Variants in CDH22 observed in about 807,000 individuals in gnomAD.
CDH22 encodes cadherin-22.
CDH22 carries 30 observed loss-of-function variants against 58.4 expected under a neutral mutation model. That is an observed-to-expected ratio of 0.51 (90% CI 0.38 to 0.70). The LOEUF (loss-of-function observed/expected upper bound fraction) is 0.70, where lower values mean the gene tolerates loss of function less well. Among genes scored for constraint, CDH22 ranks in the 30% least tolerant of loss-of-function variants. The pLI is 0.00. For synonymous variants in CDH22, 513 were observed against 558.2 expected (o/e 0.92, Z 1.14); for missense variants, 1,014 against 1,233.9 (o/e 0.82, Z 2.67).
chr20:46,210,300 GTCT>G lies in CDH22; in HGVS notation c.1286+4_1286+6del. The G allele has an allele frequency of 1.4e-6, 2 of 1,414,774 alleles. No homozygotes were observed. Among genetic ancestry groups the G allele is most frequent in the Non-Finnish European group, 1.8e-6 (2 of 1,090,778 alleles). 87.6% of individuals were successfully genotyped at this position (1,414,774 alleles called of 1,614,324 possible). A position where few individuals can be genotyped will look rare whatever the true frequency, so the allele number is the denominator to read the frequency against. On this transcript the variant is annotated splice_donor_5th_base_variant and intron_variant, in intron 7 of 11. Coordinates refer to ENST00000537909, the MANE Select transcript of CDH22 (RefSeq NM_021248.3). This position sits in a 1 kb window ranked among gnomAD's most constrained non-coding sequence, Gnocchi z 4.5. Reference sequence around the variant, plus strand: ...CAGCAGGCGTCGGCCCCGGGCGGGGGTCTCACCGGACGGGCCGGTTGGCGGCGT... The same window carrying G: ...CAGCAGGCGTCGGCCCCGGGCGGGGGCACCGGACGGGCCGGTTGGCGGCGT...
intron 10 of CDH22, among the ~76,000 whole-genome samples, chr20:46,178,418 C>T (rs1442382946): frequency 6.6e-6 from 1 of 151,930 alleles, no homozygotes; most frequent in African/African-American, 2.4e-5. Context: ...CAAAGTCTAC[C>T]CTCAGCTGCC....
intron 6 of CDH22, 119 bp downstream of exon 6, chr20:46,212,876 C>G: frequency 1.2e-6 from 1 of 819,696 alleles, no homozygotes; most frequent in South Asian, 1.6e-5. Flanking sequence ...GGTCCTGGAC[C>G]TCTAGAGAGA....
chr20:46,200,120 C>A (rs1009713084), intron 7 of CDH22, among the ~76,000 whole-genome samples: 3 of 152,108 alleles, frequency 2.0e-5, no homozygotes, highest in African/African-American at 7.2e-5. Flanking sequence ...ACTACAGGTG[C>A]CCGCCACCAC....
intron 1 of CDH22, among the ~76,000 whole-genome samples, chr20:46,283,293 T>C (rs2086559158): frequency 6.6e-6 from 1 of 151,882 alleles, no homozygotes; most frequent in Non-Finnish European, 1.5e-5. Flanking sequence ...CTGAGTAGAG[T>C]GGACAGGACA....
At position 46,216,601 on chromosome 20, in the gene CDH22, C is replaced by T. The variant is rs1353267411; in HGVS notation, c.838+225G>A. Reference sequence around the variant, plus strand: ...GAAGGTGATGGTGTGTTACTTGGCTCTGTGGAGCATCGGACAGCCCTGGGG... The same window carrying T: ...GAAGGTGATGGTGTGTTACTTGGCTTTGTGGAGCATCGGACAGCCCTGGGG... On this transcript the variant is annotated intron_variant, in intron 5 of 11. Coordinates refer to ENST00000537909, the MANE Select transcript of CDH22 (RefSeq NM_021248.3). The surrounding 1 kb of genome is among the most constrained non-coding windows in gnomAD (Gnocchi z 5.3). Among the ~76,000 whole-genome samples the T allele has an allele frequency of 6.6e-6, 1 of 152,038 alleles. No homozygotes were observed. The highest frequency in any genetic ancestry group is 1.5e-5 in the Non-Finnish European group (1 of 68,004).
chr20:46,275,951 T>A (rs1194320924), intron 1 of CDH22, among the ~76,000 whole-genome samples: 1 of 88,220 alleles, frequency 1.1e-5, no homozygotes, highest in Non-Finnish European at 2.3e-5. Context: ...ATTGGCCAGG[T>A]GGGGGTGGGA....
chr20:46,186,988 G>A, intron 8 of CDH22, 41 bp from the exon 9 acceptor site: 1 of 1,531,676 alleles, frequency 6.5e-7, no homozygotes, highest in Non-Finnish European at 8.8e-7. Flanking sequence ...GGCATCAAGT[G>A]GGAGATCTAG....
chr20:46,175,964 T>TTGAA (rs1385964532), intron 11 of CDH22, among the ~76,000 whole-genome samples: 3 of 152,194 alleles, frequency 2.0e-5, no homozygotes, highest in Admixed American at 6.5e-5. Flanking sequence ...AGCATGCTTG[T>TTGAA]TGAATGAATG....
chr20:46,229,952 G>A (rs973946370), intron 3 of CDH22, among the ~76,000 whole-genome samples: 6 of 152,170 alleles, frequency 3.9e-5, no homozygotes, highest in Non-Finnish European at 8.8e-5. Context: ...GGACTCCCGA[G>A]GGGATGATGG....
chr20:46,265,105 C>T (rs558465444), intron 1 of CDH22, among the ~76,000 whole-genome samples: 3 of 152,208 alleles, frequency 2.0e-5, no homozygotes, highest in Non-Finnish European at 2.9e-5. Flanking sequence ...AATTACATCC[C>T]GAGCTGCTGT....
intron 1 of CDH22, among the ~76,000 whole-genome samples, chr20:46,263,359 A>G (rs1392259120): frequency 6.6e-6 from 1 of 152,016 alleles, no homozygotes; most frequent in Non-Finnish European, 1.5e-5. Flanking sequence ...CTAAGTATGC[A>G]GCAGTTAGAA....
intron 4 of CDH22, among the ~76,000 whole-genome samples, chr20:46,226,256 C>CA: frequency 7.5e-5 from 1 of 13,324 alleles, no homozygotes; most frequent in South Asian, 1.7e-3. Context: ...TCTTCTTCTT[C>CA]TTCTTCTTCT....
Position 46,216,971 on chromosome 20 carries a change from A to G in CDH22, c.693T>C (p.Pro231=). Residue 231 remains proline (P), a synonymous_variant, in exon 5 of 12, where the codon CCT becomes CCC. Coordinates refer to ENST00000537909, the MANE Select transcript of CDH22 (RefSeq NM_021248.3). The surrounding 1 kb of genome is among the most constrained non-coding windows in gnomAD (Gnocchi z 5.3). The part of the protein sequence containing the change: ...PKTGVIRTAV[P]DLDRESQERY... ...GCTCCTGGCTCTCGCGGTCAAGGTC[A>G]GGCACAGCCGTCCGGATTACGCCTG... is the stretch of plus-strand genomic sequence containing the variant. The G allele has an allele frequency of 1.3e-6, 2 of 1,599,346 alleles. No individual in the cohort carries two copies. Among genetic ancestry groups the G allele is most frequent in the Non-Finnish European group, 1.7e-6 (2 of 1,168,854 alleles).
intron 1 of CDH22, among the ~76,000 whole-genome samples, chr20:46,279,145 C>T (rs916572763): frequency 6.6e-6 from 1 of 152,184 alleles, no homozygotes; most frequent in African/African-American, 2.4e-5. Context: ...CGTGGTTTTA[C>T]TGCAAGGGCT....
intron 4 of CDH22, among the ~76,000 whole-genome samples, chr20:46,217,630 A>G (rs2086095013): frequency 1.3e-5 from 2 of 152,244 alleles, no homozygotes; most frequent in Admixed American, 6.5e-5. Flanking sequence ...CTGCCCATGC[A>G]GAAATGCACA....
intron 1 of CDH22, among the ~76,000 whole-genome samples, chr20:46,301,641 TCTCTA>T (rs2086652619): frequency 6.6e-6 from 1 of 151,782 alleles, no homozygotes; most frequent in Non-Finnish European, 1.5e-5. Flanking sequence ...TGAAACTCTG[TCTCTA>T]CTAAAAATAC....
intron 1 of CDH22, among the ~76,000 whole-genome samples, chr20:46,283,217 G>A (rs981536099): frequency 1.3e-5 from 2 of 152,218 alleles, no homozygotes; most frequent in Non-Finnish European, 2.9e-5. Context: ...GTTGGGGTTG[G>A]AACCTATGTC....
At chr20:46,263,822 G>A (rs1191014550) in intron 1 of CDH22, among the ~76,000 whole-genome samples, 1 of 152,160 alleles carries the variant, frequency 6.6e-6, no homozygotes. Context: ...TGGCGGAGGA[G>A]ATGTGTTCAA....
intron 10 of CDH22, among the ~76,000 whole-genome samples, chr20:46,181,751 C>CGTT (rs754645737): frequency 9.8e-6 from 1 of 101,844 alleles, no homozygotes; most frequent in Non-Finnish European, 2.0e-5. Context: ...TTCCTTCCTT[C>CGTT]CTTCTTTCTT....
Sources: allele counts gnomAD v4.1 joint callset (sites outside exome capture counted in the v4.1 genomes callset), GRCh38; gene constraint gnomAD v4.1.1; non-coding constraint Gnocchi (gnomAD v3.1); transcripts MANE v1.5; gene names NCBI Gene and HGNC (gene_info 2026-07-23, HGNC 2026-07-21).